The following ABCB10 variants were observed in gnomAD, a reference collection of about 807,000 sequenced individuals.
ABCB10 encodes the protein ATP-binding cassette sub-family B member 10, mitochondrial.
In ABCB10, 54 loss-of-function variants were observed where a neutral mutation model predicts 65.4. The ratio of observed to expected loss-of-function variants is 0.83; its 90% CI spans 0.66 to 1.04. The LOEUF is 1.04. Among genes scored for constraint, ABCB10 ranks in the 50% least tolerant of loss-of-function variants. The pLI, the probability that ABCB10 is intolerant of heterozygous loss-of-function variation, is 0.00. For synonymous variants in ABCB10, 418 were observed against 406.5 expected, an observed-to-expected ratio of 1.03 and a Z score of -0.34; for missense variants, 846 against 976.6, an observed-to-expected ratio of 0.87 and a Z score of 1.78.
In ABCB10 at chr1:229,558,299, G is replaced by A. The variant is rs1373675680; in HGVS notation, c.354C>T (p.Phe118=). 9 of 1,237,636 alleles carry A rather than the reference G, an allele frequency of 7.3e-6. No homozygotes were observed. Among genetic ancestry groups the A allele is most frequent in the Admixed American group, 4.1e-5 (1 of 24,676 alleles). 76.7% of individuals were successfully genotyped at this position (1,237,636 alleles called of 1,614,324 possible). A position where few individuals can be genotyped will look rare whatever the true frequency, so the allele number is the denominator to read the frequency against. The change falls in exon 1 of 13, where the codon TTC becomes TTT. Residue 118 remains phenylalanine, a synonymous_variant. Coordinates refer to ENST00000344517, the MANE Select transcript of ABCB10 (RefSeq NM_012089.3). The stretch of plus-strand genomic sequence containing the variant: ...AGGCAGCGGCTGCGGGACCGCCCGG[G>A]AACCGGGCGCGCGGGAGCCGAGGAG... The part of the protein sequence containing the change: ...PGAPRLPRAR[F]PGGPAAAAWA...
intron 3 of ABCB10, among the ~76,000 whole-genome samples, chr1:229,545,894 G>T (rs896667930): frequency 2.6e-5 from 4 of 152,158 alleles, no homozygotes; most frequent in Non-Finnish European, 5.9e-5. Flanking sequence ...GTGATGAGCC[G>T]GGCGCAGTGG....
intron 3 of ABCB10, among the ~76,000 whole-genome samples, chr1:229,545,626 T>C (rs932731686): frequency 2.0e-5 from 3 of 152,362 alleles, no homozygotes; most frequent in East Asian, 1.9e-4. Context: ...ACTTTTTCAA[T>C]TGTACATTTT....
intron 1 of ABCB10, among the ~76,000 whole-genome samples, chr1:229,552,013 C>T (rs946567284): frequency 3.3e-5 from 5 of 150,280 alleles, no homozygotes; most frequent in African/African-American, 1.3e-4. Flanking sequence ...GAAATGCCCC[C>T]TAATTATGAT....
At chr1:229,533,750 A>G (rs191498736) in intron 6 of ABCB10, among the ~76,000 whole-genome samples, 1 of 152,348 alleles carries the variant, frequency 6.6e-6, no homozygotes, top group East Asian at 1.9e-4. Flanking sequence ...GAAGGAATCT[A>G]GACACAGACC....
intron 6 of ABCB10, among the ~76,000 whole-genome samples, chr1:229,535,645 C>T (rs1026361690): frequency 6.6e-6 from 1 of 152,022 alleles, no homozygotes; most frequent in Non-Finnish European, 1.5e-5. Flanking sequence ...TTGCATTTGT[C>T]CAAACCCATA....
intron 9 of ABCB10, 40 bp from the exon 10 acceptor site, chr1:229,526,156 G>A: frequency 6.4e-7 from 1 of 1,569,318 alleles, no homozygotes; most frequent in Non-Finnish European, 8.7e-7. Context: ...ATTTCAAACA[G>A]ACTTAAAACA....
intron 2 of ABCB10, 143 bp downstream of exon 2, chr1:229,549,091 G>T: frequency 2.5e-6 from 2 of 792,410 alleles, no homozygotes; most frequent in Non-Finnish European, 4.2e-6. Flanking sequence ...GGCAGTCATT[G>T]GACTCTATCC....
At chr1:229,557,615 AAC>A (rs1262102966) in intron 1 of ABCB10, among the ~76,000 whole-genome samples, 16 of 152,328 alleles carry the variant, frequency 1.1e-4, no homozygotes, top group Non-Finnish European at 1.9e-4. Flanking sequence ...TGGCCTGTTG[AAC>A]ACAGTGCTGT....
At chr1:229,554,907 C>T (rs12081641) in intron 1 of ABCB10, among the ~76,000 whole-genome samples, 3,179 of 152,258 alleles carry the variant, frequency 0.021, 106 homozygotes, top group African/African-American at 0.072. Flanking sequence ...TCACTCACGG[C>T]CCATCTTCAT....
At chr1:229,529,295 C>CAAAAAAAAAAAA (rs59264291) in intron 8 of ABCB10, among the ~76,000 whole-genome samples, 2 of 23,128 alleles carry the variant, frequency 8.6e-5, no homozygotes, top group Non-Finnish European at 7.4e-5. Context: ...GACTCCGTCT[C>CAAAAAAAAAAAA]AAAAAAAAAA....
rs1662317520 is a variant in ABCB10 at position 229,521,596 on chromosome 1, A to G, written c.1946T>C (p.Leu649Pro). ...TCCAAGTCGCTTCAGGCTTACCTTT[A>G]GCAGAGCACGGGCAATCGCAATCCG... ...KQRIAIARAL[L>P]KNPKILLLDE... Residue 649 changes from leucine to proline, a missense_variant, in exon 11 of 13, where the codon CTA (leucine) becomes CCA (proline). Physicochemically the swap from Leu to Pro is moderately conservative, Grantham distance 98. Transcript: ENST00000344517. 1.9e-6 allele frequency: 3 copies of G among 1,608,656 alleles called. No homozygotes were observed. Among genetic ancestry groups the G allele is most frequent in the Non-Finnish European group, 2.5e-6 (3 of 1,177,110 alleles).
In ABCB10 at chr1:229,552,105, T is replaced by G. The variant is rs750617152; in HGVS notation, c.518-2671A>C. 4.6e-5 allele frequency among the ~76,000 whole-genome samples: 7 copies of G among 152,320 alleles called. No homozygotes were observed. The South Asian group carries it at 6.2e-4, about 14-fold the overall frequency. ...CTGAATCCAAATTAATTTCAGGATA[T>G]CCCCCCACACTTTTACTTTTTAATA... On this transcript the variant is annotated intron_variant, in intron 1 of 12. Transcript: ENST00000344517.
intron 10 of ABCB10, among the ~76,000 whole-genome samples, chr1:229,523,648 C>A (rs185214305): frequency 1.3e-5 from 2 of 152,184 alleles, no homozygotes; most frequent in Non-Finnish European, 2.9e-5. Context: ...CCAATCAGTA[C>A]CCTGGGAATC....
rs540678853 is a variant in ABCB10, at chr1:229,529,152, G to A, written c.1645+1047C>T. Reference sequence around the variant, plus strand: ...TAAAAATACAAAAAAAATTAGCCGGGCATGGTGGCAGGCGCCTGTGGTCCC... The same window carrying A: ...TAAAAATACAAAAAAAATTAGCCGGACATGGTGGCAGGCGCCTGTGGTCCC... On this transcript the variant is annotated intron_variant, in intron 8 of 12. Transcript: ENST00000344517. Among the ~76,000 whole-genome samples the A allele has an allele frequency of 2.6e-3, 398 of 150,210 alleles. 2 individuals are homozygous for A. Among genetic ancestry groups the A allele is most frequent in the African/African-American group, 9.4e-3 (387 of 40,974 alleles).
Position 229,540,673 on chromosome 1 carries a change from C to G in ABCB10, c.1136G>C (p.Ser379Thr). The change falls in exon 5 of 13, where the codon AGC becomes ACC. Residue 379 changes from serine (S) to threonine (T), a missense_variant. Ser to Thr is a moderately conservative substitution (Grantham distance 58). This residue lies in a region of ABCB10 where 632 missense variants were observed against 803.2 expected (regional missense o/e 0.79). Transcript: ENST00000344517. ...TAACTGCATTACATGGTCCACTTTG[C>G]TGGCATATTTCTCGATTTCAGTCAT... ...KEMTEIEKYASKVDHVMQLAR... is the reference protein window; with the variant it reads ...KEMTEIEKYATKVDHVMQLAR... The G allele has an allele frequency of 6.2e-7, 1 of 1,613,072 alleles. No individual in the cohort carries two copies. The highest frequency in any genetic ancestry group is 2.2e-5 in the East Asian group (1 of 44,882).
At position 229,530,215 on chromosome 1, in the gene ABCB10, C is replaced by T. The variant is rs768953677; in HGVS notation, c.1629G>A (p.Leu543=). The T allele has an allele frequency of 3.7e-6, 6 of 1,613,958 alleles. No homozygotes were observed. In the Admixed American group the frequency reaches 1.0e-4, roughly 27 times the overall value. ...ACTGCTTACCAGAAGCAGGGTCGTA[C>T]AACCTCAGCAGGAGTGAAAGCACTG... The part of the protein sequence containing the change: ...KSTVLSLLLR[L]YDPASGTISL... Residue 543 remains leucine (L), a synonymous_variant, in exon 8 of 13, where the codon TTG becomes TTA. Coordinates refer to ENST00000344517, the MANE Select transcript of ABCB10 (RefSeq NM_012089.3).
At chr1:229,533,903 T>C (rs1254276036) in intron 6 of ABCB10, among the ~76,000 whole-genome samples, 1 of 152,086 alleles carries the variant, frequency 6.6e-6, no homozygotes, top group South Asian at 2.1e-4. Flanking sequence ...ATACCAAAGG[T>C]ACAATCCATG....
chr1:229,552,451 T>C (rs563978363), intron 1 of ABCB10, among the ~76,000 whole-genome samples: 1 of 152,352 alleles, frequency 6.6e-6, no homozygotes, highest in South Asian at 2.1e-4. Flanking sequence ...CATTATCTAT[T>C]TCTTGACAGA....
chr1:229,540,622 G>A lies in ABCB10; in HGVS notation c.1187C>T (p.Ala396Val), dbSNP rs1445871301. ...QLARKEAFAR[A>V]GFFGATGLSG... ...TCTACTTACTGCTCCAAAGAAACCAGCCCGGGCGAATGCCTCTTTCCTTGC... is the reference window on the plus strand; with the variant it reads ...TCTACTTACTGCTCCAAAGAAACCAACCCGGGCGAATGCCTCTTTCCTTGC... The change falls in exon 5 of 13, where the codon GCT becomes GTT. Residue 396 changes from alanine (A) to valine (V), a missense_variant. Ala to Val is a moderately conservative substitution (Grantham distance 64). Around this residue, in one of 2 missense-constraint regions of ABCB10, gnomAD observed 632 missense variants for 803.2 expected, o/e 0.79. Coordinates refer to ENST00000344517, the MANE Select transcript of ABCB10 (RefSeq NM_012089.3). The A allele has an allele frequency of 6.2e-7, 1 of 1,611,432 alleles. No homozygotes were observed. Among genetic ancestry groups the A allele is most frequent in the African/African-American group, 1.3e-5 (1 of 74,908 alleles).
Sources: allele counts gnomAD v4.1 joint callset (sites outside exome capture counted in the v4.1 genomes callset), GRCh38; gene constraint gnomAD v4.1.1; regional missense constraint gnomAD v4.1.1; transcripts MANE v1.5; gene names NCBI Gene and HGNC (gene_info 2026-07-23, HGNC 2026-07-21).